The following SYNDIG1 variants were observed in gnomAD, a reference collection of about 807,000 sequenced individuals.
SYNDIG1 encodes synapse differentiation inducing 1, also known as synapse differentiation-inducing gene protein 1.
Under a neutral mutation model 19.4 loss-of-function variants are expected in SYNDIG1, and 9 were observed. That is an observed-to-expected ratio of 0.46 (90% CI 0.28 to 0.81). The LOEUF (loss-of-function observed/expected upper bound fraction) is 0.81, where lower values mean the gene tolerates loss of function less well. Among genes scored for constraint, SYNDIG1 ranks in the 30% least tolerant of loss-of-function variants. SYNDIG1 has a pLI of 0.12. For synonymous variants in SYNDIG1, 141 were observed against 145.9 expected, an observed-to-expected ratio of 0.97 and a Z score of 0.24; for missense variants, 311 against 343.3, an observed-to-expected ratio of 0.91 and a Z score of 0.74.
At chr20:24,516,771 G>T (rs1239618232) in intron 1 of SYNDIG1, among the ~76,000 whole-genome samples, 1 of 152,174 alleles carries the variant, frequency 6.6e-6, no homozygotes, top group Non-Finnish European at 1.5e-5. Flanking sequence ...GATTCCTCAA[G>T]GATCTAGAAC....
intron 1 of SYNDIG1, among the ~76,000 whole-genome samples, chr20:24,503,862 C>A (rs79265274): frequency 6.6e-6 from 1 of 151,848 alleles, no homozygotes; most frequent in Non-Finnish European, 1.5e-5. Context: ...CTGCAGGGTG[C>A]GTACTCGGGC....
intron 2 of SYNDIG1, among the ~76,000 whole-genome samples, chr20:24,568,302 TCCTTTC>T (rs1175575284): frequency 2.0e-5 from 3 of 152,194 alleles, no homozygotes; most frequent in Non-Finnish European, 2.9e-5. Flanking sequence ...AAGGGACTAT[TCCTTTC>T]CCTTTCCCTT....
At chr20:24,581,866 C>G (rs990617241) in intron 2 of SYNDIG1, among the ~76,000 whole-genome samples, 3 of 150,062 alleles carry the variant, frequency 2.0e-5, no homozygotes, top group African/African-American at 7.4e-5. Context: ...TGCAGGTCCT[C>G]ACCCCTGCAA....
At chr20:24,554,395 G>C (rs1222067350) in intron 2 of SYNDIG1, among the ~76,000 whole-genome samples, 1 of 152,196 alleles carries the variant, frequency 6.6e-6, no homozygotes, top group Non-Finnish European at 1.5e-5. Flanking sequence ...TTTTCAAAGG[G>C]AATGCTTCCA....
chr20:24,564,006 G>A (rs188022233), intron 2 of SYNDIG1, among the ~76,000 whole-genome samples: 60 of 152,246 alleles, frequency 3.9e-4, no homozygotes, highest in African/African-American at 1.4e-3. Flanking sequence ...AGTCCTCATT[G>A]TCTCAGTGAT....
chr20:24,519,629 A>C (rs939133813), intron 1 of SYNDIG1, among the ~76,000 whole-genome samples: 9 of 152,228 alleles, frequency 5.9e-5, no homozygotes, highest in African/African-American at 2.2e-4. Context: ...GCAACAGCCA[A>C]TCCACATCCC....
chr20:24,652,486 G>A (rs1437084657), intron 3 of SYNDIG1, among the ~76,000 whole-genome samples: 1 of 152,196 alleles, frequency 6.6e-6, no homozygotes, highest in Non-Finnish European at 1.5e-5. Flanking sequence ...CTGGGCTCTG[G>A]TCCAGCCCTC....
intron 2 of SYNDIG1, among the ~76,000 whole-genome samples, chr20:24,570,989 C>T (rs370875093): frequency 1.3e-5 from 2 of 152,094 alleles, no homozygotes; most frequent in Non-Finnish European, 2.9e-5. Flanking sequence ...ACCTGGATCT[C>T]GAGGGTATTG....
At position 24,665,498 on chromosome 20, in the gene SYNDIG1, C is replaced by T; in HGVS notation, c.771C>T (p.His257=). The change falls in exon 4 of 4, where the codon CAC becomes CAT. Residue 257 remains histidine, a synonymous_variant. Transcript: ENST00000376862. ...ALIAYLSKNN[H]L Reference sequence around the variant, plus strand: ...TCGCCTACCTCTCCAAGAACAACCACCTGTGAGCTTCCTGCGAATGGAGGG... The same window carrying T: ...TCGCCTACCTCTCCAAGAACAACCATCTGTGAGCTTCCTGCGAATGGAGGG... 3 of 1,613,934 alleles carry T rather than the reference C, an allele frequency of 1.9e-6. No homozygotes were observed. The highest frequency in any genetic ancestry group is 2.2e-5 in the South Asian group (2 of 91,036).
intron 1 of SYNDIG1, among the ~76,000 whole-genome samples, chr20:24,511,390 T>C (rs1427614787): frequency 6.6e-6 from 1 of 152,314 alleles, no homozygotes; most frequent in East Asian, 1.9e-4. Flanking sequence ...TGCTGTGTTT[T>C]CAGCATAGAA....
intron 1 of SYNDIG1, among the ~76,000 whole-genome samples, chr20:24,496,063 T>C (rs1217784367): frequency 1.3e-5 from 2 of 152,130 alleles, no homozygotes; most frequent in Admixed American, 6.5e-5. Context: ...GACAGGATGG[T>C]CTCGATCTCC....
chr20:24,621,680 A>G (rs2059040436), intron 3 of SYNDIG1, among the ~76,000 whole-genome samples: 1 of 152,178 alleles, frequency 6.6e-6, no homozygotes, highest in Non-Finnish European at 1.5e-5. Flanking sequence ...ATGCACTCCA[A>G]AGAATGATAC....
chr20:24,636,510 T>C (rs2147323038), intron 3 of SYNDIG1, among the ~76,000 whole-genome samples: 1 of 152,314 alleles, frequency 6.6e-6, no homozygotes, highest in African/African-American at 2.4e-5. Context: ...TTGGACCAGG[T>C]GTGCCATTTA....
intron 3 of SYNDIG1, among the ~76,000 whole-genome samples, chr20:24,663,421 C>A (rs1261524387): frequency 6.6e-6 from 1 of 152,190 alleles, no homozygotes; most frequent in African/African-American, 2.4e-5. Flanking sequence ...GCAGAACCTG[C>A]AGAGTTGGGC....
chr20:24,532,038 G>A (rs1366932734), intron 1 of SYNDIG1, among the ~76,000 whole-genome samples: 1 of 152,146 alleles, frequency 6.6e-6, no homozygotes, highest in Non-Finnish European at 1.5e-5. Context: ...TTGTCACTTT[G>A]TGTTCCAGGC....
At chr20:24,511,044 GT>G (rs1458214679) in intron 1 of SYNDIG1, among the ~76,000 whole-genome samples, 1 of 152,096 alleles carries the variant, frequency 6.6e-6, no homozygotes, top group Admixed American at 6.5e-5. Context: ...TTTTAATAAT[GT>G]ATTTTTCCCT....
chr20:24,517,661 C>CATAT, intron 1 of SYNDIG1, among the ~76,000 whole-genome samples: 1 of 141,080 alleles, frequency 7.1e-6, no homozygotes, highest in Non-Finnish European at 1.5e-5. Flanking sequence ...TATATATATA[C>CATAT]ACACATATAT....
At chr20:24,632,212 C>G (rs369340307) in intron 3 of SYNDIG1, among the ~76,000 whole-genome samples, 1 of 152,080 alleles carries the variant, frequency 6.6e-6, no homozygotes, top group Non-Finnish European at 1.5e-5. Flanking sequence ...TTCCCTGCTG[C>G]GTAGATTTCA....
chr20:24,527,580 A>G (rs866221331), intron 1 of SYNDIG1, among the ~76,000 whole-genome samples: 7 of 145,950 alleles, frequency 4.8e-5, no homozygotes, highest in Middle Eastern at 3.7e-3. Context: ...TTATGGTGGC[A>G]TACAGTCTTT....
Sources: allele counts gnomAD v4.1 joint callset (sites outside exome capture counted in the v4.1 genomes callset), GRCh38; gene constraint gnomAD v4.1.1; transcripts MANE v1.5; gene names NCBI Gene and HGNC (gene_info 2026-07-23, HGNC 2026-07-21).